The following PRTFDC1 variants were observed in gnomAD, a reference collection of about 807,000 sequenced individuals.
The protein encoded by PRTFDC1 is phosphoribosyl transferase domain containing 1, also known as phosphoribosyltransferase domain-containing protein 1.
Under a neutral mutation model 34.6 loss-of-function variants are expected in PRTFDC1, and 38 were observed. The observed-to-expected ratio is 1.10, with a 90% CI of 0.85 to 1.44. PRTFDC1 has a LOEUF of 1.44. PRTFDC1 is among the 40% of genes most tolerant of loss of function. The probability of loss-of-function intolerance (pLI) is 0.00; values close to 1 mark genes in which losing one functional copy is unlikely to be tolerated. For missense variants in PRTFDC1, 270 were observed against 283.0 expected (o/e 0.95, Z 0.33); for synonymous variants, 93 against 98.1 (o/e 0.95, Z 0.31).
intron 4 of PRTFDC1, among the ~76,000 whole-genome samples, chr10:24,866,224 G>A (rs529348797): frequency 7.9e-5 from 12 of 152,094 alleles, no homozygotes; most frequent in African/African-American, 2.7e-4. Flanking sequence ...AGCTGGGTAT[G>A]GTGGTGGGCT....
At chr10:24,852,121 C>T (rs904169040) in intron 7 of PRTFDC1, among the ~76,000 whole-genome samples, 15 of 151,864 alleles carry the variant, frequency 9.9e-5, no homozygotes, top group Non-Finnish European at 2.2e-4. Context: ...AAGCACAGTG[C>T]AAGGTACTTA....
Position 24,848,881 on chromosome 10 carries a change from T to C in PRTFDC1, c.*963A>G, listed in dbSNP as rs1320773044. 6.6e-6 allele frequency: 1 copy of C among 152,242 alleles called. No homozygotes were observed. Among genetic ancestry groups the C allele is most frequent in the Non-Finnish European group, 1.5e-5 (1 of 68,046 alleles). 9.4% of individuals were successfully genotyped at this position (152,242 alleles called of 1,614,324 possible). Reference sequence around the variant, plus strand: ...AAAAACTTTCTTGAGTGTGCTTGTTTCCTGTAGCACCTTGGATTTTGTGAT... The same window carrying C: ...AAAAACTTTCTTGAGTGTGCTTGTTCCCTGTAGCACCTTGGATTTTGTGAT... On this transcript the variant is annotated 3_prime_UTR_variant, in exon 9 of 9. Transcript: ENST00000320152.
intron 3 of PRTFDC1, among the ~76,000 whole-genome samples, chr10:24,876,442 T>TCCCA (rs1021741172): frequency 3.3e-5 from 5 of 151,808 alleles, no homozygotes; most frequent in African/African-American, 1.2e-4. Flanking sequence ...ACAACTGTAA[T>TCCCA]CCCAGCACTT....
intron 1 of PRTFDC1, among the ~76,000 whole-genome samples, chr10:24,947,951 T>G (rs1424358939): frequency 6.6e-6 from 1 of 152,016 alleles, no homozygotes; most frequent in Non-Finnish European, 1.5e-5. Flanking sequence ...GCTAAAAGAT[T>G]CCCAGGTTCT....
At chr10:24,925,421 T>C (rs887567068) in intron 3 of PRTFDC1, among the ~76,000 whole-genome samples, 7 of 152,104 alleles carry the variant, frequency 4.6e-5, no homozygotes, top group African/African-American at 1.7e-4. Flanking sequence ...TGTATACCTA[T>C]GTAACAAACC....
chr10:24,861,271 C>T (rs374687789), intron 4 of PRTFDC1, among the ~76,000 whole-genome samples: 2 of 152,114 alleles, frequency 1.3e-5, no homozygotes, highest in African/African-American at 2.4e-5. Context: ...GAGGCTGAGG[C>T]GGGCAAATCA....
intron 3 of PRTFDC1, among the ~76,000 whole-genome samples, chr10:24,918,615 A>G (rs905584990): frequency 1.3e-5 from 2 of 151,764 alleles, no homozygotes; most frequent in Non-Finnish European, 2.9e-5. Context: ...AGGTCTCACT[A>G]TGTTGCCCAG....
intron 3 of PRTFDC1, among the ~76,000 whole-genome samples, chr10:24,901,276 G>C (rs1371689530): frequency 6.6e-6 from 1 of 152,144 alleles, no homozygotes; most frequent in African/African-American, 2.4e-5. Context: ...ATGTAAGAAA[G>C]AAACTAAGTG....
intron 3 of PRTFDC1, among the ~76,000 whole-genome samples, chr10:24,886,625 C>T (rs543262508): frequency 1.3e-5 from 2 of 152,222 alleles, no homozygotes; most frequent in East Asian, 3.9e-4. Flanking sequence ...TTTTTTACCC[C>T]CTTACATTCG....
At chr10:24,938,669 GT>G (rs1849094541) in intron 2 of PRTFDC1, among the ~76,000 whole-genome samples, 1 of 152,182 alleles carries the variant, frequency 6.6e-6, no homozygotes, top group African/African-American at 2.4e-5. Flanking sequence ...CAGGGAGGAG[GT>G]TAGACAGTCA....
intron 8 of PRTFDC1, among the ~76,000 whole-genome samples, chr10:24,850,121 G>T (rs554116539): frequency 1.2e-4 from 19 of 152,220 alleles, no homozygotes; most frequent in African/African-American, 4.6e-4. Context: ...GGCTCCCCAG[G>T]TCCCTAAAAC....
At chr10:24,894,391 C>A (rs75731147) in intron 3 of PRTFDC1, among the ~76,000 whole-genome samples, 1 of 151,852 alleles carries the variant, frequency 6.6e-6, no homozygotes, top group Non-Finnish European at 1.5e-5. Flanking sequence ...GCCCTTTGGC[C>A]GTGGGAAGTG....
chr10:24,897,862 G>T (rs924578312), intron 3 of PRTFDC1, among the ~76,000 whole-genome samples: 1 of 152,160 alleles, frequency 6.6e-6, no homozygotes, highest in African/African-American at 2.4e-5. Flanking sequence ...AGTGCATGTG[G>T]TCTTAGCAGC....
In PRTFDC1 at chr10:24,940,527, G is replaced by A. The variant is rs185569745; in HGVS notation, c.155+1803C>T. Reference sequence around the variant, plus strand: ...GATACCATTAGACAGCCACAAGAATGGCTATAATCAAAAGGACAGACAATA... The same window carrying A: ...GATACCATTAGACAGCCACAAGAATAGCTATAATCAAAAGGACAGACAATA... On this transcript the variant is annotated intron_variant, in intron 2 of 8. Transcript: ENST00000320152. 1.3e-3 allele frequency among the ~76,000 whole-genome samples: 194 copies of A among 152,274 alleles called. 1 individual carries two copies. Among genetic ancestry groups the A allele is most frequent in the East Asian group, 1.9e-3 (10 of 5,186 alleles).
rs143389679 is a variant in PRTFDC1, at chr10:24,903,797, C to T, written c.340-31734G>A. 4.2e-4 allele frequency among the ~76,000 whole-genome samples: 64 copies of T among 151,656 alleles called. 1 individual carries two copies. In the East Asian group the frequency reaches 0.012, roughly 28 times the overall value. ...TCCAGTGATCTTCTCTTCAGCCTCC[C>T]AAGTAGCTGGGACTACAAGCGAACA... On this transcript the variant is annotated intron_variant, in intron 3 of 8. Transcript: ENST00000320152.
chr10:24,898,001 T>C (rs1848395401), intron 3 of PRTFDC1, among the ~76,000 whole-genome samples: 1 of 152,160 alleles, frequency 6.6e-6, no homozygotes, highest in African/African-American at 2.4e-5. Context: ...ACTTGAAAAG[T>C]ATGTAAAGGT....
chr10:24,901,032 T>C (rs1848441723), intron 3 of PRTFDC1, among the ~76,000 whole-genome samples: 1 of 152,170 alleles, frequency 6.6e-6, no homozygotes, highest in African/African-American at 2.4e-5. Context: ...CTCAGAATCA[T>C]ATTATAGCAT....
intron 6 of PRTFDC1, 135 bp downstream of exon 6, chr10:24,856,778 A>G (rs567780724): frequency 2.6e-6 from 2 of 767,940 alleles, no homozygotes; most frequent in Non-Finnish European, 4.4e-6. Context: ...AGTGTGGTCA[A>G]GCTGTAATAC....
At chr10:24,851,529 C>T in intron 7 of PRTFDC1, 65 bp from the exon 8 acceptor site, 1 of 1,570,772 alleles carries the variant, frequency 6.4e-7, no homozygotes, top group Non-Finnish European at 8.5e-7. Flanking sequence ...ATGCAAGTCA[C>T]CATATGCTGC....
Sources: gnomAD v4.1 joint callset for allele counts (sites outside exome capture counted in the v4.1 genomes callset) on GRCh38, gnomAD v4.1.1 for gene constraint, MANE v1.5 for transcripts, NCBI Gene and HGNC (gene_info 2026-07-23, HGNC 2026-07-21) for gene names.